Variants in MAGI1 observed in about 807,000 individuals in gnomAD.
MAGI1 encodes membrane associated guanylate kinase, WW and PDZ domain containing 1.
Under a neutral mutation model 139.9 loss-of-function variants are expected in MAGI1, and 58 were observed. The observed-to-expected ratio is 0.41, with a 90% CI of 0.34 to 0.52. MAGI1 has a LOEUF of 0.52. Ranked by LOEUF, MAGI1 falls within the 20% of genes least tolerant of loss-of-function variation. The pLI, the probability that MAGI1 is intolerant of heterozygous loss-of-function variation, is 0.12. For missense variants in MAGI1, 1,874 were observed against 1,901.6 expected (o/e 0.99, Z 0.27); for synonymous variants, 812 against 737.9 (o/e 1.10, Z -1.63).
chr3:65,692,785 G>A, intron 1 of MAGI1, among the ~76,000 whole-genome samples: 1 of 152,154 alleles, frequency 6.6e-6, no homozygotes, highest in Non-Finnish European at 1.5e-5. Context: ...CAGTTTGGCT[G>A]TCTCTTGTGA....
rs554874872 is a variant in MAGI1 at position 65,627,097 on chromosome 3, G to A, written c.314-5009C>T. Among the ~76,000 whole-genome samples, 140 of 152,224 alleles carry A rather than the reference G, an allele frequency of 9.2e-4. 1 individual carries two copies. The highest frequency in any genetic ancestry group is 3.0e-3 in the African/African-American group (123 of 41,532). On this transcript the variant is annotated intron_variant, in intron 1 of 22. Transcript: ENST00000402939. ...ACCATGGGTCCAAAATTACAACGCC[G>A]TATTTTTTCTGTACCTTCTCTATGT...
Position 65,890,863 on chromosome 3 carries a change from T to TA in MAGI1, c.313+147132dup. Among the ~76,000 whole-genome samples the TA allele has an allele frequency of 2.6e-5, 4 of 152,264 alleles. 1 individual carries two copies. Among genetic ancestry groups the TA allele is most frequent in the Admixed American group, 2.6e-4 (4 of 15,284 alleles). ...AGACAGCTGGAACAGCACAAAACAT[T>TA]AACTTGGAAAGAAAAACAAAAATAA... On this transcript the variant is annotated intron_variant, in intron 1 of 22. Transcript: ENST00000402939.
chr3:65,802,848 C>G (rs199654419), intron 1 of MAGI1, among the ~76,000 whole-genome samples: 2 of 138,134 alleles, frequency 1.4e-5, no homozygotes, highest in Admixed American at 7.4e-5. Flanking sequence ...ATCATCTCAT[C>G]TGTGTGTGTG....
chr3:65,437,130 A>T, intron 10 of MAGI1, 25 bp downstream of exon 10: 1 of 1,497,144 alleles, frequency 6.7e-7, no homozygotes, highest in Non-Finnish European at 9.2e-7. Flanking sequence ...AAACCATGAC[A>T]CAATTAGAAA....
rs142535854 is a variant in MAGI1 at position 65,357,008 on chromosome 3, T to C, written c.3759A>G (p.Ser1253=). The change falls in exon 23 of 23, where the codon TCA becomes TCG. Residue 1253 remains serine, a synonymous_variant. Coordinates refer to ENST00000402939, the MANE Select transcript of MAGI1 (RefSeq NM_001033057.2). The stretch of plus-strand genomic sequence containing the variant: ...GTGCCCGCTTTTCCCCATGTGGTGA[T>C]GATTTGTGAAGATCGGGTGGGTAAC... ...ESSYPPDLHK[S]SPHGEKRAHA... 2.5e-6 allele frequency: 4 copies of C among 1,614,204 alleles called. No homozygotes were observed. In the Admixed American group the frequency reaches 5.0e-5, roughly 20 times the overall value.
chr3:65,365,089 C>A (rs1430427375), intron 18 of MAGI1, 143 bp from the exon 19 acceptor site: 2 of 790,442 alleles, frequency 2.5e-6, no homozygotes, highest in African/African-American at 3.4e-5. Flanking sequence ...AATTTCTAGA[C>A]AATTAGGAGT....
chr3:65,644,699 G>A (rs2085163498), intron 1 of MAGI1, among the ~76,000 whole-genome samples: 1 of 151,962 alleles, frequency 6.6e-6, no homozygotes, highest in Non-Finnish European at 1.5e-5. Flanking sequence ...TTTGAAGGTA[G>A]GATATTAAAA....
At chr3:65,590,874 T>C (rs952796366) in intron 2 of MAGI1, among the ~76,000 whole-genome samples, 2 of 152,158 alleles carry the variant, frequency 1.3e-5, no homozygotes, top group African/African-American at 4.8e-5. Context: ...CCAGCAAAAC[T>C]TTAAGAAACA....
intron 1 of MAGI1, among the ~76,000 whole-genome samples, chr3:65,716,576 C>G (rs1189267068): frequency 6.6e-6 from 1 of 152,172 alleles, no homozygotes; most frequent in Non-Finnish European, 1.5e-5. Context: ...AAATTCCCAG[C>G]TCTTTAAAAT....
intron 1 of MAGI1, among the ~76,000 whole-genome samples, chr3:65,729,612 A>C (rs2033983095): frequency 6.6e-6 from 1 of 151,948 alleles, no homozygotes; most frequent in African/African-American, 2.4e-5. Flanking sequence ...TACAACCACT[A>C]CCCAGCAAGG....
intron 1 of MAGI1, among the ~76,000 whole-genome samples, chr3:65,897,868 A>T (rs1346924135): frequency 6.9e-6 from 1 of 144,586 alleles, no homozygotes; most frequent in East Asian, 2.2e-4. Context: ...GTCCAAAAAA[A>T]ATAAAAAAAG....
In MAGI1 at chr3:65,794,234, G is replaced by A. The variant is rs114501860; in HGVS notation, c.314-172146C>T. 1.5e-3 allele frequency among the ~76,000 whole-genome samples: 230 copies of A among 152,242 alleles called. 2 individuals are homozygous for A. The highest frequency in any genetic ancestry group is 0.01 in the Middle Eastern group (3 of 292). On this transcript the variant is annotated intron_variant, in intron 1 of 22. Transcript: ENST00000402939. ...TAAAACTTGTGCTCTGTGGAAAGAG[G>A]CTAAAAATACAAGCCACAGGCAGGG...
chr3:65,540,595 T>A (rs989592007), intron 2 of MAGI1, among the ~76,000 whole-genome samples: 1 of 152,214 alleles, frequency 6.6e-6, no homozygotes, highest in African/African-American at 2.4e-5. Context: ...GCAGGTTGCT[T>A]TACATCTAAA....
chr3:65,375,374 A>T (rs189196692), intron 18 of MAGI1, among the ~76,000 whole-genome samples: 1 of 151,610 alleles, frequency 6.6e-6, no homozygotes, highest in East Asian at 2.0e-4. Flanking sequence ...TTTTTAGTAC[A>T]GACGGGGTTC....
intron 1 of MAGI1, among the ~76,000 whole-genome samples, chr3:65,787,951 T>C (rs1297016086): frequency 2.0e-5 from 3 of 152,126 alleles, no homozygotes; most frequent in Admixed American, 2.0e-4. Flanking sequence ...CATGAGCCAA[T>C]CAAGAAAAAA....
chr3:65,713,426 AAG>A (rs1247209280), intron 1 of MAGI1, among the ~76,000 whole-genome samples: 2 of 152,204 alleles, frequency 1.3e-5, no homozygotes, highest in Non-Finnish European at 2.9e-5. Flanking sequence ...ATCAAGCTGC[AAG>A]AGAGATTTTT....
At chr3:65,788,279 T>C (rs1054129849) in intron 1 of MAGI1, among the ~76,000 whole-genome samples, 1 of 152,206 alleles carries the variant, frequency 6.6e-6, no homozygotes, top group African/African-American at 2.4e-5. Context: ...TCCCACACGC[T>C]TTCTCATCCC....
At chr3:65,984,758 G>A (rs992643333) in intron 1 of MAGI1, among the ~76,000 whole-genome samples, 1 of 148,072 alleles carries the variant, frequency 6.8e-6, no homozygotes, top group Non-Finnish European at 1.5e-5. Flanking sequence ...ATGTTGCCCA[G>A]GGTGGTCTTG....
intron 4 of MAGI1, among the ~76,000 whole-genome samples, chr3:65,474,771 A>C (rs887407227): frequency 2.6e-5 from 4 of 152,152 alleles, no homozygotes; most frequent in African/African-American, 9.7e-5. Context: ...ACAACCAATC[A>C]TGATCTCTGA....
Sources: allele counts gnomAD v4.1 joint callset (sites outside exome capture counted in the v4.1 genomes callset), GRCh38; gene constraint gnomAD v4.1.1; transcripts MANE v1.5; gene names NCBI Gene and HGNC (gene_info 2026-07-23, HGNC 2026-07-21).